The following CTDSPL2 variants were observed in gnomAD, a reference collection of about 807,000 sequenced individuals.
CTDSPL2 encodes CTD small phosphatase-like protein 2.
CTDSPL2 carries 5 observed loss-of-function variants against 60.0 expected under a neutral mutation model. That is an observed-to-expected ratio of 0.08 (90% CI 0.04 to 0.18). The LOEUF is 0.18. Among genes scored for constraint, CTDSPL2 ranks in the 10% least tolerant of loss-of-function variants. CTDSPL2 has a pLI of 1.00. For missense variants in CTDSPL2, 370 were observed against 548.8 expected, an observed-to-expected ratio of 0.67 and a Z score of 3.26; for synonymous variants, 186 against 189.3, an observed-to-expected ratio of 0.98 and a Z score of 0.14.
chr15:44,476,628 C>G lies in CTDSPL2; in HGVS notation c.187-7596C>G, dbSNP rs536450290. Among the ~76,000 whole-genome samples the G allele has an allele frequency of 1.3e-4, 20 of 152,146 alleles. No individual in the cohort carries two copies. The South Asian group carries it at 1.9e-3, about 14-fold the overall frequency. ...TTTTCTGTGTTTAGGTACATGAGTA[C>G]TTAACATTTTGTTATAATTGCCTAC... On this transcript the variant is annotated intron_variant, in intron 2 of 12. Coordinates refer to ENST00000260327, the MANE Select transcript of CTDSPL2 (RefSeq NM_016396.3).
At chr15:44,502,572 A>G (rs2081397619) in intron 8 of CTDSPL2, among the ~76,000 whole-genome samples, 2 of 152,338 alleles carry the variant, frequency 1.3e-5, no homozygotes, top group South Asian at 2.1e-4. Context: ...AGCCATGGAC[A>G]ATACATAAAT....
In CTDSPL2 at chr15:44,439,743, A is replaced by T. The variant is rs371480652; in HGVS notation, c.-25+11971A>T. On this transcript the variant is annotated intron_variant, in intron 1 of 12. Transcript: ENST00000260327. ...CCTGACATAAGTAGTAGCATTACCA[A>T]CGTGAGGCTGTATATGTCTGTTTAA... Among the ~76,000 whole-genome samples the T allele has an allele frequency of 3.3e-5, 5 of 152,282 alleles. No homozygotes were observed. In the East Asian group the frequency reaches 5.8e-4, roughly 18 times the overall value.
intron 1 of CTDSPL2, among the ~76,000 whole-genome samples, chr15:44,456,853 C>CTTTTTTTTTTTCTTTTTTTT (rs2080454432): frequency 9.6e-6 from 1 of 103,986 alleles, no homozygotes; most frequent in African/African-American, 3.6e-5. Flanking sequence ...AGTTTTAGAT[C>CTTTTTTTTTTTCTTTTTTTT]TTTTTTTTTT....
At chr15:44,476,423 A>G (rs982078737) in intron 2 of CTDSPL2, among the ~76,000 whole-genome samples, 1 of 152,196 alleles carries the variant, frequency 6.6e-6, no homozygotes, top group Non-Finnish European at 1.5e-5. Flanking sequence ...TAAAACTTAA[A>G]ATTTAGAAGT....
chr15:44,439,555 A>T (rs1211790859), intron 1 of CTDSPL2, among the ~76,000 whole-genome samples: 2 of 145,992 alleles, frequency 1.4e-5, no homozygotes, highest in East Asian at 2.0e-4. Flanking sequence ...GGGGGGGGGG[A>T]ATATTTGCAT....
At chr15:44,474,202 C>T (rs1339933794) in intron 2 of CTDSPL2, among the ~76,000 whole-genome samples, 7 of 152,120 alleles carry the variant, frequency 4.6e-5, no homozygotes, top group African/African-American at 1.4e-4. Context: ...GGGCCAGGTG[C>T]GGTAGCTCAC....
chr15:44,479,406 C>CTT (rs1567083584), intron 2 of CTDSPL2, among the ~76,000 whole-genome samples: 12 of 133,332 alleles, frequency 9.0e-5, no homozygotes, highest in Non-Finnish European at 1.7e-4. Flanking sequence ...TATTTTCTTT[C>CTT]CTTTTTTTTT....
chr15:44,444,836 GTTTTTTTTTTT>G (rs35160726), intron 1 of CTDSPL2, among the ~76,000 whole-genome samples: 10 of 69,614 alleles, frequency 1.4e-4, no homozygotes, highest in African/African-American at 3.0e-4. Context: ...ATGGAATGTA[GTTTTTTTTTTT>G]TTTTTTTTTT....
At chr15:44,472,192 G>A (rs975068099) in intron 2 of CTDSPL2, among the ~76,000 whole-genome samples, 8 of 152,022 alleles carry the variant, frequency 5.3e-5, no homozygotes, top group Admixed American at 2.6e-4. Context: ...TCTGTTTTCC[G>A]TTGTCTTGGG....
At chr15:44,482,093 A>G (rs929598291) in intron 2 of CTDSPL2, among the ~76,000 whole-genome samples, 3 of 152,046 alleles carry the variant, frequency 2.0e-5, no homozygotes, top group Non-Finnish European at 4.4e-5. Flanking sequence ...GTAGCATTCC[A>G]GCCCTCTTAG....
chr15:44,517,056 T>C (rs1476431776), intron 10 of CTDSPL2: 1 of 151,050 alleles, frequency 6.6e-6, no homozygotes, highest in East Asian at 2.0e-4. Flanking sequence ...GTCAGGCTGG[T>C]CTGGAACTCC....
intron 8 of CTDSPL2, chr15:44,503,552 A>T (rs1372752463): frequency 1.3e-5 from 2 of 152,248 alleles, no homozygotes; most frequent in Non-Finnish European, 2.9e-5. Flanking sequence ...CTTGAGCTGA[A>T]CCACCTCCTC....
At chr15:44,449,012 C>T in intron 1 of CTDSPL2, 1 of 340,394 alleles carries the variant, frequency 2.9e-6, no homozygotes, top group South Asian at 2.7e-5. Flanking sequence ...AAAATATTTC[C>T]TTGAGTTTCT....
At chr15:44,500,286 C>T (rs1292371981) in intron 8 of CTDSPL2, among the ~76,000 whole-genome samples, 1 of 152,112 alleles carries the variant, frequency 6.6e-6, no homozygotes, top group Non-Finnish European at 1.5e-5. Context: ...CCAGGACACT[C>T]TTCTAGTTAT....
intron 2 of CTDSPL2, 113 bp downstream of exon 2, chr15:44,459,313 G>A (rs1452415053): frequency 1.6e-6 from 1 of 631,856 alleles, no homozygotes; most frequent in African/African-American, 1.9e-5. Context: ...GGATCACGAG[G>A]TCAGGAGATC....
chr15:44,442,693 G>A (rs2080116179), intron 1 of CTDSPL2, among the ~76,000 whole-genome samples: 1 of 151,782 alleles, frequency 6.6e-6, no homozygotes, highest in South Asian at 2.1e-4. Context: ...AAAAAAAATA[G>A]GGCCAGGCAT....
At chr15:44,508,088 C>CTT (rs796747250) in intron 8 of CTDSPL2, among the ~76,000 whole-genome samples, 2 of 141,852 alleles carry the variant, frequency 1.4e-5, no homozygotes, top group African/African-American at 2.6e-5. Context: ...CTTTTTTTTT[C>CTT]TTTTTTTTTT....
intron 2 of CTDSPL2, among the ~76,000 whole-genome samples, chr15:44,482,890 T>A (rs1310763802): frequency 6.6e-6 from 1 of 152,192 alleles, no homozygotes; most frequent in Non-Finnish European, 1.5e-5. Flanking sequence ...GAAGATCTAA[T>A]CCTTACCAAA....
chr15:44,448,734 G>A (rs1595706877), intron 1 of CTDSPL2: 4 of 340,612 alleles, frequency 1.2e-5, no homozygotes, highest in South Asian at 5.6e-5. Flanking sequence ...GATTGGCATC[G>A]ATAGTCTGCC....
Sources: gnomAD v4.1 joint callset for allele counts (sites outside exome capture counted in the v4.1 genomes callset) on GRCh38, gnomAD v4.1.1 for gene constraint, MANE v1.5 for transcripts, NCBI Gene and HGNC (gene_info 2026-07-23, HGNC 2026-07-21) for gene names.